Variants in LAMTOR3 observed in about 807,000 individuals in gnomAD.
LAMTOR3 encodes ragulator complex protein LAMTOR3.
LAMTOR3 carries 14 observed loss-of-function variants against 20.3 expected under a neutral mutation model. That is an observed-to-expected ratio of 0.69 (90% confidence interval 0.46 to 1.08). The LOEUF is 1.08. Ranked by LOEUF, LAMTOR3 falls within the 50% of genes least tolerant of loss-of-function variation. The pLI is 0.00. For missense variants in LAMTOR3, 125 were observed against 143.7 expected, an observed-to-expected ratio of 0.87 and a Z score of 0.67; for synonymous variants, 40 against 49.4, an observed-to-expected ratio of 0.81 and a Z score of 0.80.
chr4:99,885,659 A>T lies in LAMTOR3; in HGVS notation c.120T>A (p.Ala40=). Residue 40 remains alanine, a synonymous_variant, in exon 5 of 7, where the codon GCT becomes GCA. Coordinates refer to ENST00000499666, the MANE Select transcript of LAMTOR3 (RefSeq NM_021970.4). ...VPVIKVANDN[A]PEHALRPGFL... ...AACCAGGTCGCAAAGCATGCTCTGG[A>T]GCATTGTCATTTGCCACTAGAAAAA... 6.2e-7 allele frequency: 1 copy of T among 1,612,788 alleles called. No homozygotes were observed.
chr4:99,892,292 A>C (rs535578386), intron 2 of LAMTOR3, among the ~76,000 whole-genome samples: 1 of 152,350 alleles, frequency 6.6e-6, no homozygotes, highest in East Asian at 1.9e-4. Flanking sequence ...TGTTGTTAAA[A>C]GTTTATTGAG....
intron 5 of LAMTOR3, 66 bp downstream of exon 5, chr4:99,885,476 T>G: frequency 7.2e-7 from 1 of 1,391,370 alleles, no homozygotes. Context: ...CAAACTATTT[T>G]ATATATATAA....
chr4:99,892,182 T>C, intron 2 of LAMTOR3, 148 bp from the exon 3 acceptor site: 1 of 1,365,218 alleles, frequency 7.3e-7, no homozygotes. Flanking sequence ...TTTGGATGTT[T>C]ACTAGTCACG....
At chr4:99,887,218 T>C in intron 4 of LAMTOR3, 78 bp downstream of exon 4, 1 of 867,490 alleles carries the variant, frequency 1.2e-6, no homozygotes, top group South Asian at 1.7e-5. Context: ...GTTTGCCTGC[T>C]GTACTACTCA....
chr4:99,878,886 A>G lies in LAMTOR3; in HGVS notation c.*3108T>C, dbSNP rs1724762719. 6.6e-6 allele frequency: 1 copy of G among 152,250 alleles called. No individual in the cohort carries two copies. The highest frequency in any genetic ancestry group is 1.9e-4 in the East Asian group (1 of 5,204). 9.4% of individuals were successfully genotyped at this position (152,250 alleles called of 1,614,324 possible). A position where few individuals can be genotyped will look rare whatever the true frequency, so the allele number is the denominator to read the frequency against. On this transcript the variant is annotated 3_prime_UTR_variant, in exon 7 of 7. Coordinates refer to ENST00000499666, the MANE Select transcript of LAMTOR3 (RefSeq NM_021970.4). ...CATATGGTTATCCTACCTATGGCAG[A>G]TATTTAGGTTGCTTCCAATTCTTTG...
chr4:99,886,782 C>T (rs1191798690), intron 4 of LAMTOR3, among the ~76,000 whole-genome samples: 1 of 152,148 alleles, frequency 6.6e-6, no homozygotes, highest in African/African-American at 2.4e-5. Flanking sequence ...CATCCATTCT[C>T]ATAATACCAT....
chr4:99,891,414 TCTAA>T (rs1218646965), intron 3 of LAMTOR3, among the ~76,000 whole-genome samples: 1 of 152,232 alleles, frequency 6.6e-6, no homozygotes, highest in Non-Finnish European at 1.5e-5. Flanking sequence ...TATAAACTTT[TCTAA>T]CTCTTTAGTC....
At chr4:99,894,091 A>G in intron 1 of LAMTOR3, 91 bp from the exon 2 acceptor site, 1 of 772,330 alleles carries the variant, frequency 1.3e-6, no homozygotes, top group Non-Finnish European at 1.9e-6. Flanking sequence ...CCTGGTCAGA[A>G]CCAGGTAAAA....
At position 99,893,964 on chromosome 4, in the gene LAMTOR3, G is replaced by C. The variant is rs370800522; in HGVS notation, c.-1C>G. ...TAGGGGTGTCACTCACATCCGCCAT[G>C]ATGAACCCCCTTCTCTCGCAGGATC... On this transcript the variant is annotated 5_prime_UTR_variant, in exon 2 of 7. In the 5' UTR this introduces an upstream ATG that the reference lacks. Coordinates refer to ENST00000499666, the MANE Select transcript of LAMTOR3 (RefSeq NM_021970.4). 1 of 1,545,750 alleles carries C rather than the reference G, an allele frequency of 6.5e-7. No homozygotes were observed. Among genetic ancestry groups the C allele is most frequent in the Non-Finnish European group, 8.8e-7 (1 of 1,141,884 alleles).
At chr4:99,883,509 T>C (rs1247609624) in intron 6 of LAMTOR3, among the ~76,000 whole-genome samples, 1 of 152,058 alleles carries the variant, frequency 6.6e-6, no homozygotes, top group African/African-American at 2.4e-5. Flanking sequence ...CTATTCTCTA[T>C]AAAGGGTACA....
At chr4:99,885,321 T>G (rs565903959) in intron 5 of LAMTOR3, among the ~76,000 whole-genome samples, 1 of 152,306 alleles carries the variant, frequency 6.6e-6, no homozygotes, top group African/African-American at 2.4e-5. Context: ...AACATGTACT[T>G]TATTAAATCA....
intron 3 of LAMTOR3, among the ~76,000 whole-genome samples, chr4:99,890,662 G>A (rs1054445981): frequency 2.0e-5 from 3 of 147,806 alleles, no homozygotes; most frequent in Non-Finnish European, 4.5e-5. Flanking sequence ...TACCTTTCCT[G>A]CCATTATGAA....
At chr4:99,882,159 C>A in intron 6 of LAMTOR3, 92 bp from the exon 7 acceptor site, 1 of 726,350 alleles carries the variant, frequency 1.4e-6, no homozygotes, top group Non-Finnish European at 2.3e-6. Context: ...TACATAGTTA[C>A]CAAAAGTAAA....
rs1410496629 is a variant in LAMTOR3 at position 99,881,752 on chromosome 4, G to A, written c.*242C>T. The A allele has an allele frequency of 2.2e-6, 1 of 456,358 alleles. No individual in the cohort carries two copies. The highest frequency in any genetic ancestry group is 3.9e-6 in the Non-Finnish European group (1 of 257,772). 28.3% of individuals were successfully genotyped at this position (456,358 alleles called of 1,614,324 possible). ...ACCAGACTAACTCCATGGGAGCTGT[G>A]ATAGACTGAACCATTTCTGTGGTAT... On this transcript the variant is annotated 3_prime_UTR_variant, in exon 7 of 7. Coordinates refer to ENST00000499666, the MANE Select transcript of LAMTOR3 (RefSeq NM_021970.4).
chr4:99,883,968 C>T, intron 6 of LAMTOR3, 94 bp downstream of exon 6: 1 of 908,498 alleles, frequency 1.1e-6, no homozygotes, highest in Non-Finnish European at 1.7e-6. Flanking sequence ...ATTTTTGGCT[C>T]TAAATCTACT....
Position 99,881,923 on chromosome 4 carries a change from G to T in LAMTOR3, c.*71C>A. 1 of 1,053,176 alleles carries T rather than the reference G, an allele frequency of 9.5e-7. No homozygotes were observed. The highest frequency in any genetic ancestry group is 1.5e-6 in the Non-Finnish European group (1 of 685,640). The allele number at this position is 1,053,176 out of a possible 1,614,324, so 65.2% of individuals were successfully genotyped here. On this transcript the variant is annotated 3_prime_UTR_variant, in exon 7 of 7. Coordinates refer to ENST00000499666, the MANE Select transcript of LAMTOR3 (RefSeq NM_021970.4). ...GCACATGGATAAAAGTATTATTGTA[G>T]TCTAAAGATTGCTGGATTGATATTG...
At chr4:99,891,741 A>C (rs1273050855) in intron 3 of LAMTOR3, among the ~76,000 whole-genome samples, 1 of 152,254 alleles carries the variant, frequency 6.6e-6, no homozygotes, top group African/African-American at 2.4e-5. Context: ...AAAGAATTAT[A>C]GAAGAAACAG....
At chr4:99,889,875 T>C (rs1393171979) in intron 3 of LAMTOR3, among the ~76,000 whole-genome samples, 4 of 152,170 alleles carry the variant, frequency 2.6e-5, no homozygotes, top group Admixed American at 1.3e-4. Context: ...ATACAACTAA[T>C]GCTCCAAAGA....
chr4:99,886,424 T>C (rs761580432), intron 4 of LAMTOR3, among the ~76,000 whole-genome samples: 1 of 152,206 alleles, frequency 6.6e-6, no homozygotes, highest in Non-Finnish European at 1.5e-5. Context: ...ACCTCCTTTG[T>C]TCTTATAATG....
Sources: allele counts gnomAD v4.1 joint callset (sites outside exome capture counted in the v4.1 genomes callset), GRCh38; gene constraint gnomAD v4.1.1; transcripts MANE v1.5; gene names NCBI Gene and HGNC (gene_info 2026-07-23, HGNC 2026-07-21).